PCDHGA11: variants seen among roughly 807,000 people sequenced by gnomAD.
PCDHGA11 encodes protocadherin gamma subfamily A, 11.
In PCDHGA11, 39 loss-of-function variants were observed where a neutral mutation model predicts 60.4. That is an observed-to-expected ratio of 0.65 (90% CI 0.50 to 0.84). The LOEUF is 0.84. PCDHGA11 is among the 40% of genes least tolerant of loss of function. The probability of loss-of-function intolerance (pLI) is 0.00; values close to 1 mark genes in which losing one functional copy is unlikely to be tolerated. For synonymous variants in PCDHGA11, 533 were observed against 510.3 expected, an observed-to-expected ratio of 1.04 and a Z score of -0.60; for missense variants, 1,165 against 1,197.7, an observed-to-expected ratio of 0.97 and a Z score of 0.40.
At position 141,422,609 on chromosome 5, in the gene PCDHGA11, A is replaced by G; in HGVS notation, c.1382A>G (p.Tyr461Cys). The G allele has an allele frequency of 6.2e-7, 1 of 1,613,882 alleles. No individual in the cohort carries two copies. Among genetic ancestry groups the G allele is most frequent in the Non-Finnish European group, 8.5e-7 (1 of 1,179,914 alleles). The change falls in exon 1 of 4, where the codon TAC becomes TGC. Residue 461 changes from tyrosine to cysteine, a missense_variant. Tyr to Cys is a radical substitution (Grantham distance 194). Coordinates refer to ENST00000398587, the MANE Select transcript of PCDHGA11 (RefSeq NM_018914.3). Reference sequence around the variant, plus strand: ...TTTCCTCACTCCTCTTACTCTGCCTACATTCCCGAAAACAACCCCAGGGGT... The same window carrying G: ...TTTCCTCACTCCTCTTACTCTGCCTGCATTCCCGAAAACAACCCCAGGGGT... ...PVFPHSSYSA[Y>C]IPENNPRGAS... is the part of the protein sequence containing the mutation.
At chr5:141,470,236 T>C (rs1232874196) in intron 1 of PCDHGA11, among the ~76,000 whole-genome samples, 1 of 152,210 alleles carries the variant, frequency 6.6e-6, no homozygotes, top group African/African-American at 2.4e-5. Context: ...ACCAAACCCT[T>C]GAATGTCCCA....
At position 141,494,704 on chromosome 5, in the gene PCDHGA11, T is replaced by C. The variant is rs2099756232; in HGVS notation, c.2434-103T>C. Reference sequence around the variant, plus strand: ...CCCCCTCTTAGTCCGTTTTCTTCTCTGTGCCCACTCCCCTCCTTCTCTCCC... The same window carrying C: ...CCCCCTCTTAGTCCGTTTTCTTCTCCGTGCCCACTCCCCTCCTTCTCTCCC... On this transcript the variant is annotated intron_variant, in intron 1 of 3. Transcript: ENST00000398587. The C allele has an allele frequency of 3.1e-6, 5 of 1,597,570 alleles. No individual in the cohort carries two copies. The Admixed American group carries it at 8.5e-5, about 27-fold the overall frequency.
intron 1 of PCDHGA11, among the ~76,000 whole-genome samples, chr5:141,472,119 A>C (rs1015212535): frequency 6.6e-6 from 1 of 152,240 alleles, no homozygotes; most frequent in African/African-American, 2.4e-5. Context: ...AAAGAAAATA[A>C]AAGAGAAGTT....
At chr5:141,456,148 C>G (rs1408257938) in intron 1 of PCDHGA11, among the ~76,000 whole-genome samples, 1 of 152,080 alleles carries the variant, frequency 6.6e-6, no homozygotes, top group African/African-American at 2.4e-5. Flanking sequence ...CCGCCCGCCT[C>G]GGCCTCCTAA....
Position 141,489,992 on chromosome 5 carries a change from TC to T in PCDHGA11, c.2434-4812del. The T allele has an allele frequency of 6.2e-7, 1 of 1,614,216 alleles. No individual in the cohort carries two copies. The highest frequency in any genetic ancestry group is 8.5e-7 in the Non-Finnish European group (1 of 1,180,016). On this transcript the variant is annotated intron_variant, in intron 1 of 3. Coordinates refer to ENST00000398587, the MANE Select transcript of PCDHGA11 (RefSeq NM_018914.3). The surrounding 1 kb of genome is among the most constrained non-coding windows in gnomAD (Gnocchi z 4.5). The stretch of plus-strand genomic sequence containing the variant: ...CAATCCTCAGTTCTACGTGTGGGAA[TC>T]CCAGAGAATGCACCCATTGGTACTC...
chr5:141,436,878 G>T (rs914354261), intron 1 of PCDHGA11, among the ~76,000 whole-genome samples: 1 of 152,216 alleles, frequency 6.6e-6, no homozygotes, highest in African/African-American at 2.4e-5. Context: ...GGCCATAAAA[G>T]ATGGGGGAAA....
chr5:141,431,617 C>A lies in PCDHGA11; in HGVS notation c.2433+7957C>A. ...GGTATTCCTTCCGGTATGTGGACGA[C>A]AAGGCGGCCCAAGTTTTCAAACTAG... On this transcript the variant is annotated intron_variant, in intron 1 of 3. Coordinates refer to ENST00000398587, the MANE Select transcript of PCDHGA11 (RefSeq NM_018914.3). This position sits in a 1 kb window ranked among gnomAD's most constrained non-coding sequence, Gnocchi z 4.8. 6.2e-7 allele frequency: 1 copy of A among 1,614,236 alleles called. No homozygotes were observed. Among genetic ancestry groups the A allele is most frequent in the Non-Finnish European group, 8.5e-7 (1 of 1,180,044 alleles).
At chr5:141,472,323 C>T (rs980684595) in intron 1 of PCDHGA11, among the ~76,000 whole-genome samples, 4 of 151,498 alleles carry the variant, frequency 2.6e-5, no homozygotes, top group East Asian at 2.0e-4. Flanking sequence ...AGGCAGATCA[C>T]GAGGTTGGGA....
At chr5:141,501,716 A>G (rs2099810687) in intron 2 of PCDHGA11, among the ~76,000 whole-genome samples, 1 of 152,160 alleles carries the variant, frequency 6.6e-6, no homozygotes, top group African/African-American at 2.4e-5. Flanking sequence ...TAAAAAAGAC[A>G]AATATATTAC....
intron 1 of PCDHGA11, among the ~76,000 whole-genome samples, chr5:141,453,574 G>T (rs1285296493): frequency 6.6e-6 from 1 of 152,084 alleles, no homozygotes; most frequent in Non-Finnish European, 1.5e-5. Context: ...TCATTAGTTT[G>T]TGGTTTATCC....
chr5:141,497,240 GA>G (rs1221446648), intron 2 of PCDHGA11, among the ~76,000 whole-genome samples: 125 of 152,188 alleles, frequency 8.2e-4, no homozygotes, highest in African/African-American at 3.0e-3. Flanking sequence ...AGGCTTCTAG[GA>G]GGAGGTGACA....
chr5:141,432,209 A>C lies in PCDHGA11; in HGVS notation c.2433+8549A>C, dbSNP rs1473794319. ...CGCCCACGACCCCGACTGTGAAGAGAACGCCCAGATCACTTATTCCCTGGC... is the reference window on the plus strand; with the variant it reads ...CGCCCACGACCCCGACTGTGAAGAGCACGCCCAGATCACTTATTCCCTGGC... On this transcript the variant is annotated intron_variant, in intron 1 of 3. Transcript: ENST00000398587. This position sits in a 1 kb window ranked among gnomAD's most constrained non-coding sequence, Gnocchi z 6.0. 2 of 1,614,098 alleles carry C rather than the reference A, an allele frequency of 1.2e-6. No homozygotes were observed. Among genetic ancestry groups the C allele is most frequent in the Non-Finnish European group, 8.5e-7 (1 of 1,180,032 alleles).
At chr5:141,478,044 C>G in intron 1 of PCDHGA11, 1 of 1,614,184 alleles carries the variant, frequency 6.2e-7, no homozygotes. Flanking sequence ...CCCAGGCAGA[C>G]TCTCACGGTC....
intron 1 of PCDHGA11, 188 bp downstream of exon 1, chr5:141,423,848 G>A: frequency 1.6e-6 from 2 of 1,277,462 alleles, no homozygotes; most frequent in Non-Finnish European, 2.0e-6. Flanking sequence ...TAATCTTTCA[G>A]AACGTTTTTG....
intron 1 of PCDHGA11, among the ~76,000 whole-genome samples, chr5:141,444,152 ATTTTTTTTTTTTTTTT>A (rs747671382): frequency 6.3e-3 from 214 of 33,896 alleles, no homozygotes; most frequent in African/African-American, 0.023. Flanking sequence ...TGTGTACTGG[ATTTTTTTTTTTTTTTT>A]TTTTTTTTTT....
chr5:141,510,582 A>G (rs1156375287), intron 3 of PCDHGA11, among the ~76,000 whole-genome samples: 2 of 152,166 alleles, frequency 1.3e-5, no homozygotes, highest in Non-Finnish European at 2.9e-5. Context: ...TATTTTACGT[A>G]CCTGACATAC....
intron 2 of PCDHGA11, among the ~76,000 whole-genome samples, chr5:141,505,026 G>A (rs190826538): frequency 4.6e-5 from 7 of 152,316 alleles, no homozygotes; most frequent in African/African-American, 1.7e-4. Context: ...GCCTGGCACA[G>A]TGGCAGGTGC....
At position 141,491,613 on chromosome 5, in the gene PCDHGA11, A is replaced by AC; in HGVS notation, c.2434-3190dup. On this transcript the variant is annotated intron_variant, in intron 1 of 3. Coordinates refer to ENST00000398587, the MANE Select transcript of PCDHGA11 (RefSeq NM_018914.3). The surrounding 1 kb of genome is among the most constrained non-coding windows in gnomAD (Gnocchi z 6.9). Reference sequence around the variant, plus strand: ...ACGGCAGTGACTTCACTTTTCTAAGACCCCTCAGCGTTCAGCAGCCCACAG... The same window carrying AC: ...ACGGCAGTGACTTCACTTTTCTAAGACCCCCTCAGCGTTCAGCAGCCCACAG... 6.2e-7 allele frequency: 1 copy of AC among 1,613,568 alleles called. No homozygotes were observed. Among genetic ancestry groups the AC allele is most frequent in the Non-Finnish European group, 8.5e-7 (1 of 1,179,968 alleles).
intron 1 of PCDHGA11, among the ~76,000 whole-genome samples, chr5:141,482,530 CAA>C (rs3074545): frequency 2.5e-4 from 19 of 76,528 alleles, no homozygotes; most frequent in East Asian, 4.2e-4. Context: ...GACAGACATG[CAA>C]AAAAAAAAAA....
Sources: allele counts gnomAD v4.1 joint callset (sites outside exome capture counted in the v4.1 genomes callset), GRCh38; gene constraint gnomAD v4.1.1; non-coding constraint Gnocchi (gnomAD v3.1); transcripts MANE v1.5; gene names NCBI Gene and HGNC (gene_info 2026-07-23, HGNC 2026-07-21).